The following PDZRN4 variants were observed in gnomAD, a reference collection of about 807,000 sequenced individuals.
PDZRN4 encodes PDZ domain containing ring finger 4.
In PDZRN4, 70 loss-of-function variants were observed where a neutral mutation model predicts 99.0. The ratio of observed to expected loss-of-function variants is 0.71; its 90% CI spans 0.58 to 0.86. The LOEUF (loss-of-function observed/expected upper bound fraction) is 0.86. Ranked by LOEUF, PDZRN4 falls within the 40% of genes least tolerant of loss-of-function variation. PDZRN4 has a pLI of 0.00. For missense variants in PDZRN4, 1,474 were observed against 1,331.2 expected, an observed-to-expected ratio of 1.11 and a Z score of -1.67; for synonymous variants, 551 against 501.6, an observed-to-expected ratio of 1.10 and a Z score of -1.32.
chr12:41,314,333 T>C (rs1951625306), intron 3 of PDZRN4, among the ~76,000 whole-genome samples: 1 of 152,206 alleles, frequency 6.6e-6, no homozygotes, highest in Non-Finnish European at 1.5e-5. Context: ...TTCTCATTCA[T>C]TGAGCATCAG....
intron 3 of PDZRN4, among the ~76,000 whole-genome samples, chr12:41,355,021 T>C (rs1420419114): frequency 1.3e-5 from 2 of 152,088 alleles, no homozygotes; most frequent in Non-Finnish European, 2.9e-5. Context: ...AGCACCACAC[T>C]GTTTAATCAA....
chr12:41,329,264 A>G (rs531360148), intron 3 of PDZRN4, among the ~76,000 whole-genome samples: 4 of 152,262 alleles, frequency 2.6e-5, no homozygotes, highest in Non-Finnish European at 5.9e-5. Flanking sequence ...CTCCTAAAGT[A>G]GGTGAGACTG....
chr12:41,440,564 T>G (rs1046354800), intron 3 of PDZRN4, among the ~76,000 whole-genome samples: 1 of 152,086 alleles, frequency 6.6e-6, no homozygotes, highest in African/African-American at 2.4e-5. Context: ...TATATTTTGT[T>G]GATATTTTTT....
chr12:41,289,537 T>C (rs1951443184), intron 3 of PDZRN4, among the ~76,000 whole-genome samples: 1 of 152,188 alleles, frequency 6.6e-6, no homozygotes, highest in Non-Finnish European at 1.5e-5. Flanking sequence ...CTGAGCTGCA[T>C]GAAGATGGTC....
chr12:41,377,920 A>T (rs1304500590), intron 3 of PDZRN4, among the ~76,000 whole-genome samples: 6 of 152,160 alleles, frequency 3.9e-5, no homozygotes, highest in Non-Finnish European at 5.9e-5. Context: ...AGATCATATT[A>T]TATGCAAATA....
At chr12:41,208,880 A>G (rs914461420) in intron 3 of PDZRN4, among the ~76,000 whole-genome samples, 1 of 151,320 alleles carries the variant, frequency 6.6e-6, no homozygotes, top group African/African-American at 2.4e-5. Context: ...TTGTTAGGGG[A>G]AAAAAAAGAT....
chr12:41,342,991 A>G (rs1455960555), intron 3 of PDZRN4, among the ~76,000 whole-genome samples: 2 of 151,986 alleles, frequency 1.3e-5, no homozygotes, highest in Non-Finnish European at 2.9e-5. Flanking sequence ...GAAAAACAAT[A>G]AATAGATAAA....
Position 41,477,793 on chromosome 12 carries a change from G to A in PDZRN4, c.844-28663G>A, listed in dbSNP as rs140742302. On this transcript the variant is annotated intron_variant, in intron 3 of 9. Coordinates refer to ENST00000402685, the MANE Select transcript of PDZRN4 (RefSeq NM_001164595.2). ...ATGACATTATGAAAAGCCCACAGGC[G>A]CCTTTACCATGCATGTGGTAATGAT... The A allele has an allele frequency of 3.1e-4, 259 of 842,200 alleles. 1 individual carries two copies. The African/African-American group carries it at 3.2e-3, about 10-fold the overall frequency. 52.2% of individuals were successfully genotyped at this position (842,200 alleles called of 1,614,324 possible).
At chr12:41,335,070 T>C (rs1951764165) in intron 3 of PDZRN4, among the ~76,000 whole-genome samples, 1 of 152,008 alleles carries the variant, frequency 6.6e-6, no homozygotes, top group Non-Finnish European at 1.5e-5. Context: ...AAAATGAAAA[T>C]ATAAACATAT....
intron 3 of PDZRN4, among the ~76,000 whole-genome samples, chr12:41,490,904 A>G (rs1038985713): frequency 4.6e-5 from 7 of 152,154 alleles, no homozygotes; most frequent in Admixed American, 1.3e-4. Flanking sequence ...CTGAAAGTAC[A>G]TAACTCAGAT....
At chr12:41,219,491 C>G (rs1313059172) in intron 3 of PDZRN4, among the ~76,000 whole-genome samples, 4 of 152,068 alleles carry the variant, frequency 2.6e-5, no homozygotes, top group Non-Finnish European at 4.4e-5. Context: ...TGAGACACTT[C>G]TAACAGTGGG....
chr12:41,199,530 CATT>C (rs2120659993), intron 3 of PDZRN4, among the ~76,000 whole-genome samples: 1 of 152,206 alleles, frequency 6.6e-6, no homozygotes, highest in South Asian at 2.1e-4. Flanking sequence ...GGAACAAAAT[CATT>C]ATATAAAAAA....
chr12:41,541,205 C>A (rs933805587), intron 5 of PDZRN4, among the ~76,000 whole-genome samples: 1 of 151,960 alleles, frequency 6.6e-6, no homozygotes, highest in Non-Finnish European at 1.5e-5. Flanking sequence ...GCTGGGAATA[C>A]GGGTGTGAGC....
chr12:41,337,050 G>A (rs1484697655), intron 3 of PDZRN4, among the ~76,000 whole-genome samples: 2 of 152,106 alleles, frequency 1.3e-5, no homozygotes. Context: ...AGGCAGACTG[G>A]TCCCCAGGCA....
chr12:41,343,131 CAG>C (rs1951829100), intron 3 of PDZRN4, among the ~76,000 whole-genome samples: 1 of 151,844 alleles, frequency 6.6e-6, no homozygotes, highest in Non-Finnish European at 1.5e-5. Context: ...CACAGAAAGA[CAG>C]ATACTATTCA....
intron 3 of PDZRN4, among the ~76,000 whole-genome samples, chr12:41,222,136 C>T (rs117207980): frequency 0.017 from 2,597 of 152,234 alleles, 33 homozygotes; most frequent in Non-Finnish European, 0.027. Context: ...CTGCCTTTTC[C>T]ATATGGAGCA....
At position 41,188,680 on chromosome 12, in the gene PDZRN4, GA is replaced by G. The variant is rs1284092052; in HGVS notation, c.227del (p.Lys76SerfsTer152). ...RVLPLRSLIQ[K>X]LRVQCDYRAR... ...TGCTGCCGCTGCGCAGCCTCATCCA[GA>G]AGCTGCGAGTCCAGTGCGACTACCG... is the stretch of plus-strand genomic sequence containing the variant. On this transcript the variant is annotated frameshift_variant, in exon 1 of 10. Coordinates refer to ENST00000402685, the MANE Select transcript of PDZRN4 (RefSeq NM_001164595.2). LOFTEE classifies it high-confidence loss of function. 4 of 1,558,906 alleles carry G rather than the reference GA, an allele frequency of 2.6e-6. No individual in the cohort carries two copies. The Admixed American group carries it at 7.2e-5, about 28-fold the overall frequency.
intron 3 of PDZRN4, among the ~76,000 whole-genome samples, chr12:41,303,552 T>C (rs1300022891): frequency 6.6e-6 from 1 of 152,186 alleles, no homozygotes; most frequent in Non-Finnish European, 1.5e-5. Flanking sequence ...TTCAGTTAGG[T>C]TTCCACAAGA....
At chr12:41,550,054 G>A (rs1939025380) in intron 5 of PDZRN4, among the ~76,000 whole-genome samples, 1 of 152,172 alleles carries the variant, frequency 6.6e-6, no homozygotes, top group Non-Finnish European at 1.5e-5. Flanking sequence ...TAAGTGCTTT[G>A]ATTTGTGGTG....
Sources: gnomAD v4.1 joint callset for allele counts (sites outside exome capture counted in the v4.1 genomes callset) on GRCh38, gnomAD v4.1.1 for gene constraint, MANE v1.5 for transcripts, NCBI Gene and HGNC (gene_info 2026-07-23, HGNC 2026-07-21) for gene names.